HOMER1: variants seen among roughly 807,000 people sequenced by gnomAD.
The protein encoded by HOMER1 is homer protein homolog 1.
Under a neutral mutation model 48.9 loss-of-function variants are expected in HOMER1, and 3 were observed. The ratio of observed to expected loss-of-function variants is 0.06; its 90% CI spans 0.03 to 0.16. The LOEUF is 0.16. Ranked by LOEUF, HOMER1 falls within the 10% of genes least tolerant of loss-of-function variation. The pLI, the probability that HOMER1 is intolerant of heterozygous loss-of-function variation, is 1.00. For missense variants in HOMER1, 247 were observed against 411.4 expected (o/e 0.60, Z 3.46); for synonymous variants, 134 against 146.4 (o/e 0.92, Z 0.61).
At chr5:79,401,362 G>C (rs559369923) in intron 6 of HOMER1, among the ~76,000 whole-genome samples, 1 of 152,208 alleles carries the variant, frequency 6.6e-6, no homozygotes, top group Middle Eastern at 3.4e-3. Flanking sequence ...TTACAGATGA[G>C]AATACTGAGC....
chr5:79,476,216 G>T (rs923657043), intron 1 of HOMER1, among the ~76,000 whole-genome samples: 3 of 151,962 alleles, frequency 2.0e-5, no homozygotes, highest in Non-Finnish European at 4.4e-5. Context: ...AAAATGAAAG[G>T]GTTCTAAGAA....
chr5:79,477,334 T>C (rs1309910147), intron 1 of HOMER1, among the ~76,000 whole-genome samples: 7 of 152,264 alleles, frequency 4.6e-5, no homozygotes, highest in Admixed American at 4.6e-4. Context: ...CTTTTAAATT[T>C]AAGTGTCTTT....
intron 1 of HOMER1, among the ~76,000 whole-genome samples, chr5:79,504,473 A>T (rs764544246): frequency 7.2e-5 from 11 of 152,000 alleles, no homozygotes; most frequent in African/African-American, 1.2e-4. Flanking sequence ...ATATTATAAT[A>T]GGTTCAAAAT....
intron 4 of HOMER1, among the ~76,000 whole-genome samples, chr5:79,446,811 T>TTC (rs1343562150): frequency 6.8e-6 from 1 of 147,898 alleles, no homozygotes; most frequent in Non-Finnish European, 1.5e-5. Flanking sequence ...CTAATTTTTT[T>TTC]TTTTTTTTTT....
intron 1 of HOMER1, among the ~76,000 whole-genome samples, chr5:79,487,529 G>A (rs566743500): frequency 6.6e-6 from 1 of 152,160 alleles, no homozygotes; most frequent in South Asian, 2.1e-4. Context: ...ACAGAACAGA[G>A]GAACATTTTA....
intron 1 of HOMER1, among the ~76,000 whole-genome samples, chr5:79,470,696 T>A (rs1049884176): frequency 2.9e-4 from 44 of 152,186 alleles, no homozygotes; most frequent in Non-Finnish European, 1.3e-4. Flanking sequence ...TTAAATTCAA[T>A]GTTAGTGAGA....
intron 1 of HOMER1, among the ~76,000 whole-genome samples, chr5:79,481,471 T>C (rs139984399): frequency 6.6e-6 from 1 of 152,322 alleles, no homozygotes; most frequent in African/African-American, 2.4e-5. Flanking sequence ...GCCCTGAGTT[T>C]AAGACAAAGT....
chr5:79,492,772 T>C (rs1048543611), intron 1 of HOMER1, among the ~76,000 whole-genome samples: 2 of 152,064 alleles, frequency 1.3e-5, no homozygotes, highest in African/African-American at 4.8e-5. Flanking sequence ...GAAATGTTCT[T>C]TATAGAAGGA....
At chr5:79,396,793 A>G in intron 8 of HOMER1, 30 bp downstream of exon 8, 1 of 1,329,256 alleles carries the variant, frequency 7.5e-7, no homozygotes, top group Non-Finnish European at 1.1e-6. Flanking sequence ...TTCTATGCAG[A>G]AGTGAATAAC....
At chr5:79,422,271 A>G (rs1305678066) in intron 5 of HOMER1, among the ~76,000 whole-genome samples, 1 of 152,182 alleles carries the variant, frequency 6.6e-6, no homozygotes, top group East Asian at 1.9e-4. Context: ...TGCTGACTTA[A>G]CTGAAATACA....
chr5:79,475,428 C>CTT (rs370912747), intron 1 of HOMER1, among the ~76,000 whole-genome samples: 5,021 of 127,038 alleles, frequency 0.04, 164 homozygotes, highest in African/African-American at 0.07. Context: ...AATTCTTAGA[C>CTT]TTTTTTTTTT....
chr5:79,511,732 A>G (rs958413918), intron 1 of HOMER1, among the ~76,000 whole-genome samples: 2 of 152,222 alleles, frequency 1.3e-5, no homozygotes, highest in African/African-American at 4.8e-5. Context: ...TAAACTTCAA[A>G]TTCTAACTCC....
At chr5:79,485,907 C>A (rs1036920938) in intron 1 of HOMER1, among the ~76,000 whole-genome samples, 2 of 152,156 alleles carry the variant, frequency 1.3e-5, no homozygotes, top group African/African-American at 4.8e-5. Context: ...TGCTCTCTCC[C>A]CTTAAGCCTG....
At chr5:79,384,074 C>A in intron 8 of HOMER1, among the ~76,000 whole-genome samples, 1 of 143,066 alleles carries the variant, frequency 7.0e-6, no homozygotes, top group African/African-American at 2.6e-5. Context: ...TTTCAAATAG[C>A]AATCTAACAA....
chr5:79,460,923 C>A (rs1203386278), intron 1 of HOMER1, among the ~76,000 whole-genome samples: 1 of 152,092 alleles, frequency 6.6e-6, no homozygotes, highest in Non-Finnish European at 1.5e-5. Flanking sequence ...GTCCCACTAG[C>A]AAGGATGGGC....
intron 4 of HOMER1, among the ~76,000 whole-genome samples, chr5:79,446,325 A>G (rs897495656): frequency 1.3e-5 from 2 of 152,008 alleles, no homozygotes; most frequent in Admixed American, 6.6e-5. Flanking sequence ...TACCTTTCCA[A>G]TGGAAATTCC....
Position 79,374,655 on chromosome 5 carries a change from T to C in HOMER1, c.*1354A>G, listed in dbSNP as rs1161299240. ...TCACAGGCATTGTACAGCAAGAATA[T>C]ATGTACTCTGATGCAATTCCTACTT... On this transcript the variant is annotated 3_prime_UTR_variant, in exon 9 of 9. Coordinates refer to ENST00000334082, the MANE Select transcript of HOMER1 (RefSeq NM_004272.5). 1 of 152,024 alleles carries C rather than the reference T, an allele frequency of 6.6e-6. No homozygotes were observed. The highest frequency in any genetic ancestry group is 2.4e-5 in the African/African-American group (1 of 41,434). The allele number at this position is 152,024 out of a possible 1,614,324, so 9.4% of individuals were successfully genotyped here.
chr5:79,424,486 C>A (rs1750188442), intron 5 of HOMER1, among the ~76,000 whole-genome samples: 1 of 151,994 alleles, frequency 6.6e-6, no homozygotes, highest in Admixed American at 6.6e-5. Flanking sequence ...TACCTAATGT[C>A]TATTCATAAC....
At chr5:79,478,268 T>C (rs1580011039) in intron 1 of HOMER1, among the ~76,000 whole-genome samples, 2 of 152,202 alleles carry the variant, frequency 1.3e-5, no homozygotes, top group African/African-American at 2.4e-5. Flanking sequence ...TGATAAGAAA[T>C]AATACCTTTA....
Sources: gnomAD v4.1 joint callset for allele counts (sites outside exome capture counted in the v4.1 genomes callset) on GRCh38, gnomAD v4.1.1 for gene constraint, MANE v1.5 for transcripts, NCBI Gene and HGNC (gene_info 2026-07-23, HGNC 2026-07-21) for gene names.